The following PDE4D variants were observed in gnomAD, a reference collection of about 807,000 sequenced individuals.
PDE4D encodes 3',5'-cyclic-AMP phosphodiesterase 4D.
Under a neutral mutation model 87.4 loss-of-function variants are expected in PDE4D, and 24 were observed. The ratio of observed to expected loss-of-function variants is 0.27; its 90% confidence interval spans 0.20 to 0.39. PDE4D has a LOEUF of 0.39. Ranked by LOEUF, PDE4D falls within the 10% of genes least tolerant of loss-of-function variation. PDE4D has a pLI of 1.00. For synonymous variants in PDE4D, 384 were observed against 383.2 expected (o/e 1.00, Z -0.02); for missense variants, 714 against 1,041.0 (o/e 0.69, Z 4.32).
chr5:59,887,737 GTT>G (rs201280486), intron 1 of PDE4D, among the ~76,000 whole-genome samples: 6 of 150,914 alleles, frequency 4.0e-5, no homozygotes, highest in African/African-American at 1.5e-4. Context: ...GTGTGTGTGT[GTT>G]TGTGTGTGTG....
intron 1 of PDE4D, among the ~76,000 whole-genome samples, chr5:60,364,289 G>A (rs1300148374): frequency 6.6e-6 from 1 of 152,080 alleles, no homozygotes; most frequent in African/African-American, 2.4e-5. Context: ...TATTACCCAA[G>A]CCAGGATCTA....
In PDE4D at chr5:58,974,642, AG is replaced by A. The variant is rs1266546460; in HGVS notation, c.*21del. The A allele has an allele frequency of 1.3e-6, 2 of 1,503,532 alleles. No homozygotes were observed. Among genetic ancestry groups the A allele is most frequent in the South Asian group, 1.4e-5 (1 of 73,922 alleles). 93.1% of individuals were successfully genotyped at this position (1,503,532 alleles called of 1,614,324 possible). A position where few individuals can be genotyped will look rare whatever the true frequency, so the allele number is the denominator to read the frequency against. On this transcript the variant is annotated 3_prime_UTR_variant, in exon 15 of 15. Transcript: ENST00000340635. ...CAATTTTTCTACTTAAAAAAAAAAA[AG>A]GCATGAAAGTTTTTGCACTGTTACG... is the stretch of plus-strand genomic sequence containing the variant.
intron 2 of PDE4D, among the ~76,000 whole-genome samples, chr5:59,989,729 G>A (rs1762823007): frequency 6.6e-6 from 1 of 152,036 alleles, no homozygotes; most frequent in Middle Eastern, 3.2e-3. Flanking sequence ...ACTATCACAT[G>A]AGCAATAATT....
At chr5:60,462,746 T>C (rs1747053701) in intron 1 of PDE4D, among the ~76,000 whole-genome samples, 1 of 152,202 alleles carries the variant, frequency 6.6e-6, no homozygotes, top group Non-Finnish European at 1.5e-5. Context: ...GATCATTCAC[T>C]ACCACTGAGC....
chr5:59,906,825 T>A (rs932291111), intron 3 of PDE4D, among the ~76,000 whole-genome samples: 2 of 152,154 alleles, frequency 1.3e-5, no homozygotes, highest in African/African-American at 4.8e-5. Context: ...GTGTGATGGT[T>A]TCTCAAAGAG....
At chr5:59,216,800 T>C (rs1340477815) in intron 1 of PDE4D, 3 of 161,142 alleles carry the variant, frequency 1.9e-5, no homozygotes, top group Non-Finnish European at 4.1e-5. Context: ...TCACTCATCC[T>C]TGAGACTTAG....
chr5:59,013,304 C>A (rs1209944872), intron 6 of PDE4D, among the ~76,000 whole-genome samples: 1 of 146,962 alleles, frequency 6.8e-6, no homozygotes, highest in Non-Finnish European at 1.5e-5. Context: ...AAGATCAGAG[C>A]AGAACTGAAG....
intron 2 of PDE4D, among the ~76,000 whole-genome samples, chr5:60,020,903 G>T (rs1232341795): frequency 1.3e-5 from 2 of 152,262 alleles, no homozygotes; most frequent in South Asian, 4.1e-4. Flanking sequence ...GCTTAATCTT[G>T]TTTAGAGGGT....
chr5:59,299,565 G>T (rs1581831699), intron 1 of PDE4D, among the ~76,000 whole-genome samples: 1 of 152,182 alleles, frequency 6.6e-6, no homozygotes, highest in African/African-American at 2.4e-5. Flanking sequence ...CACCAAAGAA[G>T]ATTTTGATTA....
chr5:59,739,267 A>T (rs1271117303), intron 1 of PDE4D, among the ~76,000 whole-genome samples: 1 of 152,130 alleles, frequency 6.6e-6, no homozygotes, highest in East Asian at 1.9e-4. Flanking sequence ...TAAAAATACA[A>T]AAATTAGCTG....
At chr5:59,750,986 G>A (rs1035180917) in intron 1 of PDE4D, among the ~76,000 whole-genome samples, 1 of 150,302 alleles carries the variant, frequency 6.7e-6, no homozygotes, top group African/African-American at 2.4e-5. Context: ...CCAATGTATG[G>A]AAGACTGTCT....
chr5:59,562,586 C>T (rs1391647032), intron 1 of PDE4D, among the ~76,000 whole-genome samples: 1 of 152,112 alleles, frequency 6.6e-6, no homozygotes, highest in Non-Finnish European at 1.5e-5. Flanking sequence ...TAGAATAATG[C>T]TAGTTTCAAA....
At position 59,329,884 on chromosome 5, in the gene PDE4D, A is replaced by G. The variant is rs75616305; in HGVS notation, c.456-113916T>C. On this transcript the variant is annotated intron_variant, in intron 1 of 14. Transcript: ENST00000340635. ...AACAGTCTCAAATTTATGAAGGGAA[A>G]TTAATATTAGCAACATAAAAGTGTT... Among the ~76,000 whole-genome samples the G allele has an allele frequency of 4.9e-3, 742 of 152,352 alleles. 4 individuals carry two copies. Among genetic ancestry groups the G allele is most frequent in the African/African-American group, 0.017 (720 of 41,584 alleles).
intron 1 of PDE4D, among the ~76,000 whole-genome samples, chr5:60,241,253 GTCTC>G (rs201578593): frequency 9.9e-4 from 144 of 145,534 alleles, no homozygotes; most frequent in African/African-American, 3.0e-3. Flanking sequence ...ATACATCAGA[GTCTC>G]TCTCTCTCTC....
chr5:59,453,891 T>G (rs2153641952), intron 1 of PDE4D, among the ~76,000 whole-genome samples: 1 of 152,358 alleles, frequency 6.6e-6, no homozygotes, highest in South Asian at 2.1e-4. Flanking sequence ...ATTTAGCACT[T>G]TCACAACTAG....
chr5:59,652,804 G>GTTT (rs202089635), intron 1 of PDE4D, among the ~76,000 whole-genome samples: 1 of 143,652 alleles, frequency 7.0e-6, no homozygotes. Flanking sequence ...CTTATTGCAT[G>GTTT]TTTTTTTTTT....
chr5:60,107,473 A>C (rs1456412904), intron 2 of PDE4D, among the ~76,000 whole-genome samples: 2 of 152,228 alleles, frequency 1.3e-5, no homozygotes, highest in African/African-American at 4.8e-5. Context: ...ATTCCAATCA[A>C]TAGAAAAAGA....
chr5:59,754,797 ATTTTTTT>A (rs754869518), intron 1 of PDE4D, among the ~76,000 whole-genome samples: 9 of 96,910 alleles, frequency 9.3e-5, no homozygotes, highest in East Asian at 8.5e-4. Context: ...TCCACAGAAC[ATTTTTTT>A]TTTTTTTTTT....
intron 2 of PDE4D, among the ~76,000 whole-genome samples, chr5:60,060,540 C>T (rs1771279004): frequency 6.6e-6 from 1 of 151,998 alleles, no homozygotes; most frequent in African/African-American, 2.4e-5. Flanking sequence ...TAAATCCTTC[C>T]CTTAGGCAGA....
Sources: allele counts gnomAD v4.1 joint callset (sites outside exome capture counted in the v4.1 genomes callset), GRCh38; gene constraint gnomAD v4.1.1; transcripts MANE v1.5; gene names NCBI Gene and HGNC (gene_info 2026-07-23, HGNC 2026-07-21).